The following PTPN2 variants were observed in gnomAD, a reference collection of about 807,000 sequenced individuals.
The protein encoded by PTPN2 is protein tyrosine phosphatase non-receptor type 2.
Under a neutral mutation model 57.3 loss-of-function variants are expected in PTPN2, and 19 were observed. That is an observed-to-expected ratio of 0.33 (90% confidence interval 0.23 to 0.49). The LOEUF (loss-of-function observed/expected upper bound fraction) is 0.49, where lower values mean the gene tolerates loss of function less well. Ranked by LOEUF, PTPN2 falls within the 20% of genes least tolerant of loss-of-function variation. The pLI is 0.99. For synonymous variants in PTPN2, 153 were observed against 164.9 expected, an observed-to-expected ratio of 0.93 and a Z score of 0.55; for missense variants, 358 against 501.1, an observed-to-expected ratio of 0.71 and a Z score of 2.73.
chr18:12,851,772 A>T (rs2043404519), intron 2 of PTPN2, among the ~76,000 whole-genome samples: 1 of 152,194 alleles, frequency 6.6e-6, no homozygotes, highest in African/African-American at 2.4e-5. Context: ...CTAGTAACTC[A>T]TTTAAAAAGT....
Position 12,836,796 on chromosome 18 carries a change from T to G in PTPN2, c.256A>C (p.Thr86Pro), listed in dbSNP as rs1267220108. 1 of 1,588,626 alleles carries G rather than the reference T, an allele frequency of 6.3e-7. No individual in the cohort carries two copies. Among genetic ancestry groups the G allele is most frequent in the Non-Finnish European group, 8.6e-7 (1 of 1,159,528 alleles). ...CGTGGTATCGTATTACTTGCCTGTG[T>G]TAAGATGTAACTCCTTTGTGCCTCT... is the stretch of plus-strand genomic sequence containing the variant. ...IEEAQRSYIL[T>P]QGPLPNTCCH... is the part of the protein sequence containing the mutation. The change falls in exon 3 of 9, where the codon ACA (threonine) becomes CCA (proline). Residue 86 changes from threonine (T) to proline (P), a missense_variant. Thr to Pro is a conservative substitution (Grantham distance 38). Coordinates refer to ENST00000309660, the MANE Select transcript of PTPN2 (RefSeq NM_002828.4).
chr18:12,844,193 G>A (rs1471247332), intron 2 of PTPN2, among the ~76,000 whole-genome samples: 3 of 152,240 alleles, frequency 2.0e-5, no homozygotes, highest in Non-Finnish European at 2.9e-5. Context: ...TGAAGGACAT[G>A]TGGGTTGTTT....
intron 3 of PTPN2, among the ~76,000 whole-genome samples, chr18:12,833,978 G>C (rs62097818): frequency 6.6e-6 from 1 of 152,128 alleles, no homozygotes; most frequent in Admixed American, 6.5e-5. Flanking sequence ...CTGAGTTCTC[G>C]CATTAAATGG....
chr18:12,825,082 T>C (rs2042401574), intron 5 of PTPN2, among the ~76,000 whole-genome samples: 1 of 151,988 alleles, frequency 6.6e-6, no homozygotes, highest in Non-Finnish European at 1.5e-5. Flanking sequence ...AGCAAGACTG[T>C]CTCAAAAAAC....
chr18:12,837,433 A>C (rs1377226735), intron 2 of PTPN2, among the ~76,000 whole-genome samples: 2 of 152,214 alleles, frequency 1.3e-5, no homozygotes, highest in African/African-American at 4.8e-5. Context: ...ATTCTTTAAA[A>C]GACCACTGAA....
intron 2 of PTPN2, among the ~76,000 whole-genome samples, chr18:12,842,869 C>A (rs991147821): frequency 7.2e-5 from 11 of 152,182 alleles, no homozygotes; most frequent in African/African-American, 2.7e-4. Context: ...AAGATTTTCA[C>A]ATATTCAAAT....
At chr18:12,851,865 T>C (rs1339713363) in intron 2 of PTPN2, among the ~76,000 whole-genome samples, 1 of 152,234 alleles carries the variant, frequency 6.6e-6, no homozygotes, top group Non-Finnish European at 1.5e-5. Flanking sequence ...CATGAGTCTC[T>C]GTGTTAATTT....
intron 3 of PTPN2, among the ~76,000 whole-genome samples, chr18:12,831,750 T>C (rs1395767184): frequency 6.6e-6 from 1 of 152,200 alleles, no homozygotes; most frequent in African/African-American, 2.4e-5. Context: ...GCACAGTATG[T>C]ACGGCCTCAA....
Position 12,793,375 on chromosome 18 carries a change from A to C in PTPN2, c.*903T>G, listed in dbSNP as rs2041041655. The C allele has an allele frequency of 1.0e-6, 1 of 978,896 alleles. No individual in the cohort carries two copies. Among genetic ancestry groups the C allele is most frequent in the South Asian group, 4.7e-5 (1 of 21,142 alleles). 60.6% of individuals were successfully genotyped at this position (978,896 alleles called of 1,614,324 possible). A position where few individuals can be genotyped will look rare whatever the true frequency, so the allele number is the denominator to read the frequency against. On this transcript the variant is annotated 3_prime_UTR_variant, in exon 9 of 9. Transcript: ENST00000309660. ...TGCTGCTTCTTACTTTTGCTTCCTAAATCATAATCTACCCCAACTACATTG... is the reference window on the plus strand; with the variant it reads ...TGCTGCTTCTTACTTTTGCTTCCTACATCATAATCTACCCCAACTACATTG...
chr18:12,793,980 T>C lies in PTPN2; in HGVS notation c.*298A>G, dbSNP rs973964034. 3 of 1,225,332 alleles carry C rather than the reference T, an allele frequency of 2.4e-6. No homozygotes were observed. Among genetic ancestry groups the C allele is most frequent in the African/African-American group, 1.5e-5 (1 of 65,288 alleles). The allele number at this position is 1,225,332 out of a possible 1,614,324, so 75.9% of individuals were successfully genotyped here. A position where few individuals can be genotyped will look rare whatever the true frequency, so the allele number is the denominator to read the frequency against. The stretch of plus-strand genomic sequence containing the variant: ...AATCCTGTGATAAAGGATATCTCAA[T>C]GTTGGTCAGGTGAAATACTGTGTTT... On this transcript the variant is annotated 3_prime_UTR_variant, in exon 9 of 9. Coordinates refer to ENST00000309660, the MANE Select transcript of PTPN2 (RefSeq NM_002828.4).
intron 1 of PTPN2, 76 bp downstream of exon 1, chr18:12,883,997 G>A: frequency 6.8e-6 from 9 of 1,326,190 alleles, no homozygotes; most frequent in South Asian, 1.3e-5. Flanking sequence ...GGGGGAGGCG[G>A]GAGGGACCCT....
intron 5 of PTPN2, chr18:12,819,216 T>TTA (rs1328653484): frequency 7.1e-7 from 1 of 1,408,872 alleles, no homozygotes; most frequent in African/African-American, 1.5e-5. Flanking sequence ...GTACATACTT[T>TTA]TAGTGACCTT....
chr18:12,828,912 T>C (rs1174035390), intron 4 of PTPN2, among the ~76,000 whole-genome samples: 1 of 152,118 alleles, frequency 6.6e-6, no homozygotes, highest in Non-Finnish European at 1.5e-5. Context: ...AAATTTTTTT[T>C]TTTTGAGACA....
At chr18:12,810,165 G>A (rs189583774) in intron 7 of PTPN2, among the ~76,000 whole-genome samples, 375 of 152,288 alleles carry the variant, frequency 2.5e-3, no homozygotes, top group African/African-American at 8.1e-3. Flanking sequence ...CTGGGTGAAA[G>A]ATGAGACTCG....
intron 8 of PTPN2, among the ~76,000 whole-genome samples, chr18:12,797,470 G>A (rs933363983): frequency 2.6e-5 from 4 of 152,004 alleles, no homozygotes; most frequent in Non-Finnish European, 5.9e-5. Context: ...TGGTTGGGCT[G>A]ACAACACACT....
intron 5 of PTPN2, among the ~76,000 whole-genome samples, chr18:12,822,388 A>G (rs1184792597): frequency 6.6e-6 from 1 of 152,212 alleles, no homozygotes; most frequent in Non-Finnish European, 1.5e-5. Context: ...GAAAAAACTG[A>G]AAGACAAGTA....
chr18:12,795,847 C>A (rs1213614205), intron 8 of PTPN2, among the ~76,000 whole-genome samples: 1 of 152,090 alleles, frequency 6.6e-6, no homozygotes, highest in African/African-American at 2.4e-5. Context: ...ACAGCAAAGG[C>A]CTAACCAGCT....
At chr18:12,852,191 A>AACACACACACACACACACAC (rs139964591) in intron 2 of PTPN2, among the ~76,000 whole-genome samples, 126 of 140,506 alleles carry the variant, frequency 9.0e-4, no homozygotes, top group Admixed American at 1.7e-3. Context: ...ATGGGTTTTT[A>AACACACACACACACACACAC]ACACACACAC....
rs1568170265 is a variant in PTPN2 at position 12,870,499 on chromosome 18, A to AG, written c.70-11246_70-11245insC. ...GAGAGAGAGAGAGAGAGAGAGAGAG[A>AG]AAAGCGTGTTGTTTTTTTTTTTTTT... is the stretch of plus-strand genomic sequence containing the variant. On this transcript the variant is annotated intron_variant, in intron 1 of 8. Transcript: ENST00000309660. Among the ~76,000 whole-genome samples, 683 of 87,418 alleles carry AG rather than the reference A, an allele frequency of 7.8e-3. 27 individuals carry two copies. The highest frequency in any genetic ancestry group is 0.011 in the Non-Finnish European group (537 of 49,082). The allele number at this position is 87,418 out of a possible 152,430, so 57.3% of individuals were successfully genotyped here.
Sources: allele counts gnomAD v4.1 joint callset (sites outside exome capture counted in the v4.1 genomes callset), GRCh38; gene constraint gnomAD v4.1.1; transcripts MANE v1.5; gene names NCBI Gene and HGNC (gene_info 2026-07-23, HGNC 2026-07-21).